CPNE4: variants seen among roughly 807,000 people sequenced by gnomAD.
CPNE4 encodes copine 4.
In CPNE4, 25 loss-of-function variants were observed where a neutral mutation model predicts 67.9. That is an observed-to-expected ratio of 0.37 (90% confidence interval 0.27 to 0.51). CPNE4 has a LOEUF of 0.51. Among genes scored for constraint, CPNE4 ranks in the 20% least tolerant of loss-of-function variants. CPNE4 has a pLI of 0.93. For synonymous variants in CPNE4, 242 were observed against 244.9 expected, an observed-to-expected ratio of 0.99 and a Z score of 0.11; for missense variants, 464 against 690.8, an observed-to-expected ratio of 0.67 and a Z score of 3.68.
chr3:131,564,074 T>C, intron 11 of CPNE4, 142 bp downstream of exon 11: 1 of 942,686 alleles, frequency 1.1e-6, no homozygotes, highest in South Asian at 1.4e-5. Context: ...TTAGTTTTTC[T>C]AGTACAGAGG....
chr3:131,849,310 A>G (rs1305305347), intron 2 of CPNE4, among the ~76,000 whole-genome samples: 1 of 152,160 alleles, frequency 6.6e-6, no homozygotes, highest in East Asian at 1.9e-4. Flanking sequence ...TAATTTATAA[A>G]TAAAAGAGAT....
intron 3 of CPNE4, among the ~76,000 whole-genome samples, chr3:131,709,205 C>A (rs930164359): frequency 6.6e-6 from 1 of 151,480 alleles, no homozygotes; most frequent in Non-Finnish European, 1.5e-5. Flanking sequence ...TTGCAATGAG[C>A]CTATATTATC....
intron 2 of CPNE4, among the ~76,000 whole-genome samples, chr3:131,859,570 C>T (rs1205090352): frequency 1.3e-5 from 2 of 152,136 alleles, no homozygotes; most frequent in Admixed American, 6.6e-5. Context: ...ACCCAGGCCA[C>T]ACTCCAGGCC....
chr3:131,999,241 T>TAAAA lies in CPNE4; in HGVS notation c.-2+35322_-2+35325dup, dbSNP rs79127364. On this transcript the variant is annotated intron_variant, in intron 1 of 15. Transcript: ENST00000429747. Reference sequence around the variant, plus strand: ...CTCAATTATAGGTATTTATCCAAGGTAAAAAAAAAAAAAAAAAAAAAAAGA... The same window carrying TAAAA: ...CTCAATTATAGGTATTTATCCAAGGTAAAAAAAAAAAAAAAAAAAAAAAAAAAGA... 2.2e-3 allele frequency among the ~76,000 whole-genome samples: 214 copies of TAAAA among 98,798 alleles called. 11 individuals carry two copies. Among genetic ancestry groups the TAAAA allele is most frequent in the Middle Eastern group, 6.0e-3 (1 of 168 alleles). 64.8% of individuals were successfully genotyped at this position (98,798 alleles called of 152,430 possible).
At chr3:131,759,610 A>C (rs2082840075) in intron 2 of CPNE4, among the ~76,000 whole-genome samples, 1 of 46,198 alleles carries the variant, frequency 2.2e-5, no homozygotes, top group South Asian at 1.5e-3. Context: ...TCTTACAAGA[A>C]AAAAAAGTGT....
At chr3:131,815,015 G>A (rs1429586740) in intron 2 of CPNE4, among the ~76,000 whole-genome samples, 1 of 152,218 alleles carries the variant, frequency 6.6e-6, no homozygotes, top group Non-Finnish European at 1.5e-5. Flanking sequence ...ACCATTTTAA[G>A]AGACTGGTTG....
At chr3:131,714,525 C>T (rs959666727) in intron 3 of CPNE4, among the ~76,000 whole-genome samples, 2 of 152,130 alleles carry the variant, frequency 1.3e-5, no homozygotes, top group African/African-American at 4.8e-5. Context: ...TCAATTTCTC[C>T]AGATAATTAC....
intron 1 of CPNE4, among the ~76,000 whole-genome samples, chr3:132,011,136 A>G (rs2073751404): frequency 6.6e-6 from 1 of 152,214 alleles, no homozygotes; most frequent in South Asian, 2.1e-4. Context: ...TAGCAAAGTC[A>G]CCCTACATGG....
chr3:131,733,237 A>G (rs1330537717), intron 2 of CPNE4, among the ~76,000 whole-genome samples: 2 of 152,094 alleles, frequency 1.3e-5, no homozygotes, highest in Admixed American at 6.5e-5. Context: ...GACCACAGCA[A>G]TTTTTCAAGT....
chr3:131,735,031 A>G (rs1472001436), intron 2 of CPNE4, among the ~76,000 whole-genome samples: 3 of 152,200 alleles, frequency 2.0e-5, no homozygotes, highest in Non-Finnish European at 4.4e-5. Context: ...AGCTTCTTGC[A>G]CAGCGTGCCT....
chr3:131,652,762 T>A (rs1027804889), intron 7 of CPNE4, among the ~76,000 whole-genome samples: 2 of 152,210 alleles, frequency 1.3e-5, no homozygotes, highest in African/African-American at 4.8e-5. Flanking sequence ...CCTGCTGAGT[T>A]CTCTTCTCTG....
intron 2 of CPNE4, among the ~76,000 whole-genome samples, chr3:131,851,874 T>C (rs914175926): frequency 2.0e-5 from 3 of 151,970 alleles, no homozygotes; most frequent in Non-Finnish European, 4.4e-5. Context: ...TGGGCAGAAG[T>C]GGATTTCCTG....
chr3:131,573,468 T>C (rs1427467494), intron 10 of CPNE4, among the ~76,000 whole-genome samples: 1 of 152,090 alleles, frequency 6.6e-6, no homozygotes, highest in African/African-American at 2.4e-5. Flanking sequence ...AGGTTGGGGT[T>C]CAGCACCTAA....
chr3:131,681,447 C>T (rs917221388), intron 6 of CPNE4, among the ~76,000 whole-genome samples: 3 of 152,146 alleles, frequency 2.0e-5, no homozygotes, highest in Non-Finnish European at 4.4e-5. Flanking sequence ...AAATATGTTA[C>T]ACCACTCTCC....
chr3:131,807,357 A>G (rs1266333488), intron 2 of CPNE4, among the ~76,000 whole-genome samples: 1 of 152,198 alleles, frequency 6.6e-6, no homozygotes, highest in East Asian at 1.9e-4. Flanking sequence ...ATCATATCGC[A>G]TATATAATTT....
intron 2 of CPNE4, among the ~76,000 whole-genome samples, chr3:131,756,506 G>C (rs2082753210): frequency 1.3e-5 from 2 of 152,180 alleles, no homozygotes; most frequent in Admixed American, 1.3e-4. Flanking sequence ...AAGGTACATT[G>C]CATTATCATT....
intron 2 of CPNE4, among the ~76,000 whole-genome samples, chr3:131,853,854 C>G (rs1222719043): frequency 6.6e-6 from 1 of 151,806 alleles, no homozygotes; most frequent in African/African-American, 2.4e-5. Context: ...TTCATGCCCA[C>G]TAAAATGGCT....
At chr3:132,002,642 C>T (rs2073485733) in intron 1 of CPNE4, among the ~76,000 whole-genome samples, 6 of 152,224 alleles carry the variant, frequency 3.9e-5, no homozygotes, top group Middle Eastern at 3.4e-3. Context: ...GTTTCTGTTA[C>T]ATCTGCATCT....
chr3:131,998,415 G>A (rs1172596475), intron 1 of CPNE4, among the ~76,000 whole-genome samples: 2 of 152,078 alleles, frequency 1.3e-5, no homozygotes, highest in East Asian at 3.9e-4. Flanking sequence ...GCAGATTAAT[G>A]AGCCAGTCTG....
Sources: allele counts gnomAD v4.1 joint callset (sites outside exome capture counted in the v4.1 genomes callset), GRCh38; gene constraint gnomAD v4.1.1; transcripts MANE v1.5; gene names NCBI Gene and HGNC (gene_info 2026-07-23, HGNC 2026-07-21).